The following ADAMTS16 variants were observed in gnomAD, a reference collection of about 807,000 sequenced individuals.
The protein encoded by ADAMTS16 is A disintegrin and metalloproteinase with thrombospondin motifs 16.
In ADAMTS16, 94 loss-of-function variants were observed where a neutral mutation model predicts 145.8. That is an observed-to-expected ratio of 0.64 (90% CI 0.55 to 0.77). The LOEUF is 0.77. Among genes scored for constraint, ADAMTS16 ranks in the 30% least tolerant of loss-of-function variants. ADAMTS16 has a pLI of 0.00. For missense variants in ADAMTS16, 1,585 were observed against 1,591.5 expected, an observed-to-expected ratio of 1.00 and a Z score of 0.07; for synonymous variants, 659 against 604.3, an observed-to-expected ratio of 1.09 and a Z score of -1.33.
At chr5:5,177,203 C>T (rs569782595) in intron 3 of ADAMTS16, among the ~76,000 whole-genome samples, 4 of 152,198 alleles carry the variant, frequency 2.6e-5, no homozygotes, top group African/African-American at 7.2e-5. Context: ...GGGAGTAACT[C>T]ATCACTCGCA....
chr5:5,195,274 G>T (rs900726401), intron 8 of ADAMTS16, among the ~76,000 whole-genome samples: 1 of 152,226 alleles, frequency 6.6e-6, no homozygotes, highest in African/African-American at 2.4e-5. Context: ...ACTTGACACA[G>T]GACATGTGGT....
At chr5:5,315,966 A>C (rs982045128) in intron 21 of ADAMTS16, among the ~76,000 whole-genome samples, 1 of 152,122 alleles carries the variant, frequency 6.6e-6, no homozygotes, top group Admixed American at 6.5e-5. Context: ...AAAAAAACAG[A>C]CAAACAGTTT....
At position 5,235,022 on chromosome 5, in the gene ADAMTS16, A is replaced by G. The variant is rs200996104; in HGVS notation, c.1859A>G (p.His620Arg). 2.4e-5 allele frequency: 37 copies of G among 1,574,026 alleles called. No homozygotes were observed. The highest frequency in any genetic ancestry group is 2.9e-5 in the Non-Finnish European group (33 of 1,151,704). ...SRLCTNPKPS[H>R]GGKFCEGSTR... ...CAAAATACACATTCCAGGCCATCGC[A>G]TGGAGGGAAGTTCTGTGAGGGCTCC... The change falls in exon 13 of 23, where the codon CAT (histidine) becomes CGT (arginine). Residue 620 changes from histidine (H) to arginine (R), a missense_variant. Physicochemically the swap from His to Arg is conservative, Grantham distance 29. This residue lies in a region of ADAMTS16 where 834 missense variants were observed against 811.7 expected (regional missense o/e 1.03). Transcript: ENST00000274181.
chr5:5,201,543 T>A (rs183872980), intron 9 of ADAMTS16, among the ~76,000 whole-genome samples: 284 of 152,252 alleles, frequency 1.9e-3, no homozygotes, highest in Non-Finnish European at 2.4e-4. Context: ...AAAGGGTTTT[T>A]TTTTTAAGTA....
chr5:5,164,867 G>A (rs189487919), intron 3 of ADAMTS16, among the ~76,000 whole-genome samples: 154 of 152,086 alleles, frequency 1.0e-3, no homozygotes, highest in Non-Finnish European at 1.6e-3. Context: ...TAGTAGAGAC[G>A]GGGTTTTGCC....
chr5:5,144,125 C>CA (rs70965926), intron 2 of ADAMTS16, among the ~76,000 whole-genome samples: 51,387 of 150,344 alleles, frequency 0.34, 9,098 homozygotes, highest in Admixed American at 0.51. Context: ...TAAATTATAA[C>CA]AAAAAAAAAA....
At chr5:5,220,586 G>A (rs13170085) in intron 10 of ADAMTS16, among the ~76,000 whole-genome samples, 466 of 152,196 alleles carry the variant, frequency 3.1e-3, no homozygotes, top group Middle Eastern at 0.031. Context: ...GAACGCAGAC[G>A]GAGACCTGTG....
At chr5:5,144,710 AT>A (rs945939511) in intron 2 of ADAMTS16, among the ~76,000 whole-genome samples, 1 of 152,146 alleles carries the variant, frequency 6.6e-6, no homozygotes, top group African/African-American at 2.4e-5. Flanking sequence ...TGGTGGACTG[AT>A]TTTTTGTTAA....
chr5:5,209,968 G>A (rs753733005), intron 10 of ADAMTS16, among the ~76,000 whole-genome samples: 3 of 152,136 alleles, frequency 2.0e-5, no homozygotes, highest in Non-Finnish European at 4.4e-5. Flanking sequence ...ATTTCAAAAT[G>A]CATTGGGAAT....
intron 3 of ADAMTS16, among the ~76,000 whole-genome samples, chr5:5,156,428 C>T (rs915665806): frequency 2.0e-5 from 3 of 152,138 alleles, no homozygotes; most frequent in Non-Finnish European, 4.4e-5. Flanking sequence ...TCTGCACAAA[C>T]ACCAATTTGG....
At chr5:5,152,918 A>G (rs1734513557) in intron 3 of ADAMTS16, among the ~76,000 whole-genome samples, 2 of 152,358 alleles carry the variant, frequency 1.3e-5, no homozygotes, top group South Asian at 4.1e-4. Flanking sequence ...GTCTGTCTTC[A>G]ATAGACACTA....
chr5:5,240,986 G>T (rs77574026), intron 16 of ADAMTS16, among the ~76,000 whole-genome samples: 2 of 152,058 alleles, frequency 1.3e-5, no homozygotes, highest in African/African-American at 4.8e-5. Context: ...TGTTCTCCAC[G>T]GAAGAAGAGT....
chr5:5,229,346 A>C (rs939294413), intron 11 of ADAMTS16, among the ~76,000 whole-genome samples: 1 of 151,324 alleles, frequency 6.6e-6, no homozygotes, highest in Non-Finnish European at 1.5e-5. Flanking sequence ...TTGCTAACCA[A>C]TTGGGATAAA....
chr5:5,187,280 A>G (rs1182993756), intron 5 of ADAMTS16, among the ~76,000 whole-genome samples: 2 of 152,062 alleles, frequency 1.3e-5, no homozygotes, highest in East Asian at 1.9e-4. Flanking sequence ...ATCACCTCTG[A>G]TATCACCTCT....
chr5:5,274,848 G>A (rs1173920962), intron 18 of ADAMTS16, among the ~76,000 whole-genome samples: 1 of 152,076 alleles, frequency 6.6e-6, no homozygotes, highest in Non-Finnish European at 1.5e-5. Context: ...GGTTATTTAG[G>A]TTAAATCATT....
chr5:5,311,315 A>AAC (rs1561005052), intron 21 of ADAMTS16, among the ~76,000 whole-genome samples: 6 of 102,078 alleles, frequency 5.9e-5, no homozygotes, highest in African/African-American at 2.3e-4. Flanking sequence ...AAAAAAAAAA[A>AAC]AACAAAAAAA....
chr5:5,203,507 G>A (rs1736012434), intron 9 of ADAMTS16, among the ~76,000 whole-genome samples: 1 of 152,200 alleles, frequency 6.6e-6, no homozygotes, highest in Non-Finnish European at 1.5e-5. Flanking sequence ...GGGAAAAAAT[G>A]TAAGGGAACT....
intron 10 of ADAMTS16, among the ~76,000 whole-genome samples, chr5:5,220,380 G>A (rs13169778): frequency 9.3e-5 from 14 of 150,850 alleles, no homozygotes; most frequent in Admixed American, 7.3e-4. Flanking sequence ...GGATGATCTC[G>A]ATCTCCTGAC....
intron 2 of ADAMTS16, among the ~76,000 whole-genome samples, chr5:5,144,159 G>A (rs1176903798): frequency 6.6e-6 from 1 of 151,882 alleles, no homozygotes; most frequent in Admixed American, 6.6e-5. Context: ...GCTCACTAGC[G>A]AACATAATAA....
Sources: gnomAD v4.1 joint callset for allele counts (sites outside exome capture counted in the v4.1 genomes callset) on GRCh38, gnomAD v4.1.1 for gene constraint, gnomAD v4.1.1 regional missense constraint, MANE v1.5 for transcripts, NCBI Gene and HGNC (gene_info 2026-07-23, HGNC 2026-07-21) for gene names.